The following ATXN1 variants were observed in gnomAD, a reference collection of about 807,000 sequenced individuals.
ATXN1 encodes the protein ataxin 1.
Under a neutral mutation model 56.4 loss-of-function variants are expected in ATXN1, and 8 were observed. That is an observed-to-expected ratio of 0.14 (90% CI 0.08 to 0.26). ATXN1 has a LOEUF of 0.26. ATXN1 is among the 10% of genes least tolerant of loss of function. The pLI is 1.00. For missense variants in ATXN1, 987 were observed against 1,106.5 expected, an observed-to-expected ratio of 0.89 and a Z score of 1.53; for synonymous variants, 514 against 494.6, an observed-to-expected ratio of 1.04 and a Z score of -0.52.
chr6:16,564,434 G>C (rs1318090125), intron 4 of ATXN1, among the ~76,000 whole-genome samples: 3 of 152,202 alleles, frequency 2.0e-5, no homozygotes, highest in African/African-American at 7.2e-5. Context: ...GTTCATAATA[G>C]TGAAAGAGTG....
intron 3 of ATXN1, among the ~76,000 whole-genome samples, chr6:16,644,520 A>G (rs1763767190): frequency 6.6e-6 from 1 of 151,860 alleles, no homozygotes; most frequent in Middle Eastern, 3.4e-3. Context: ...TTTCAAAAAA[A>G]AAAAAAAAAA....
intron 6 of ATXN1, among the ~76,000 whole-genome samples, chr6:16,395,907 C>T (rs776038137): frequency 9.7e-5 from 14 of 144,716 alleles, no homozygotes; most frequent in South Asian, 2.3e-4. Context: ...CTCAGCTCTT[C>T]GGGTGGCTGA....
intron 5 of ATXN1, among the ~76,000 whole-genome samples, chr6:16,495,853 ACTCT>A (rs36019158): frequency 8.2e-5 from 12 of 146,378 alleles, no homozygotes; most frequent in East Asian, 2.0e-4. Flanking sequence ...ACAGAGTGAG[ACTCT>A]CTCTCTCTCT....
chr6:16,745,933 CGTGTGT>C (rs60773814), intron 2 of ATXN1, among the ~76,000 whole-genome samples: 8,135 of 147,132 alleles, frequency 0.055, 241 homozygotes, highest in Non-Finnish European at 0.062. Context: ...CTATGCCTTC[CGTGTGT>C]GTGTGTGTGT....
At chr6:16,341,877 ATTTTTTTT>A (rs34092584) in intron 6 of ATXN1, among the ~76,000 whole-genome samples, 3 of 86,860 alleles carry the variant, frequency 3.5e-5, no homozygotes, top group Non-Finnish European at 6.3e-5. Flanking sequence ...TGTCTCAGTG[ATTTTTTTT>A]TTTTTTTTTT....
intron 4 of ATXN1, among the ~76,000 whole-genome samples, chr6:16,575,744 C>G (rs920631480): frequency 1.4e-4 from 21 of 152,120 alleles, no homozygotes; most frequent in African/African-American, 4.8e-4. Context: ...TTTGCAAGTC[C>G]TTATTAAAAG....
At chr6:16,534,869 GGCTAGGTC>G (rs1243385099) in intron 4 of ATXN1, among the ~76,000 whole-genome samples, 1 of 152,174 alleles carries the variant, frequency 6.6e-6, no homozygotes, top group Non-Finnish European at 1.5e-5. Flanking sequence ...AATGCTCTTA[GGCTAGGTC>G]GCACCAGCCC....
chr6:16,745,139 A>C (rs938937086), intron 2 of ATXN1, among the ~76,000 whole-genome samples: 1 of 152,232 alleles, frequency 6.6e-6, no homozygotes, highest in Non-Finnish European at 1.5e-5. Context: ...TAAGTCCCAC[A>C]ATTATTAAGA....
intron 6 of ATXN1, among the ~76,000 whole-genome samples, chr6:16,435,843 C>T (rs1348977904): frequency 1.3e-5 from 2 of 152,166 alleles, no homozygotes; most frequent in African/African-American, 2.4e-5. Context: ...AATTTTCTCA[C>T]CTGTAAAACA....
intron 6 of ATXN1, among the ~76,000 whole-genome samples, chr6:16,445,803 T>C (rs541489057): frequency 2.3e-4 from 35 of 151,284 alleles, no homozygotes; most frequent in African/African-American, 8.5e-4. Context: ...GATAGTTTAC[T>C]GAGAATGATG....
At chr6:16,419,116 G>A (rs180841092) in intron 6 of ATXN1, among the ~76,000 whole-genome samples, 2 of 152,184 alleles carry the variant, frequency 1.3e-5, no homozygotes, top group African/African-American at 4.8e-5. Flanking sequence ...TGAGCTTTTT[G>A]TATTGTTTTC....
At chr6:16,493,882 A>T (rs1760720564) in intron 5 of ATXN1, among the ~76,000 whole-genome samples, 1 of 152,176 alleles carries the variant, frequency 6.6e-6, no homozygotes, top group Admixed American at 6.5e-5. Context: ...TCCAACTCAG[A>T]ACTAAAGGTA....
chr6:16,583,451 G>A (rs1487686811), intron 4 of ATXN1, among the ~76,000 whole-genome samples: 1 of 152,270 alleles, frequency 6.6e-6, no homozygotes, highest in Non-Finnish European at 1.5e-5. Flanking sequence ...TAAAGCATGC[G>A]TTTCCTAAGA....
intron 7 of ATXN1, among the ~76,000 whole-genome samples, chr6:16,314,355 T>A (rs1048053123): frequency 2.0e-5 from 3 of 152,216 alleles, no homozygotes. Flanking sequence ...TAACCGTTAA[T>A]GAAGAAATCT....
intron 3 of ATXN1, among the ~76,000 whole-genome samples, chr6:16,638,527 C>T (rs1232589717): frequency 1.3e-5 from 2 of 151,502 alleles, no homozygotes; most frequent in African/African-American, 2.4e-5. Flanking sequence ...CCTGCAGGAG[C>T]GAGACGCCTT....
intron 3 of ATXN1, among the ~76,000 whole-genome samples, chr6:16,621,289 T>C (rs185453516): frequency 2.1e-3 from 321 of 152,308 alleles, no homozygotes; most frequent in African/African-American, 7.2e-3. Flanking sequence ...GCCCAGACAA[T>C]AGCACTAAAC....
chr6:16,424,285 G>A (rs372798043), intron 6 of ATXN1, among the ~76,000 whole-genome samples: 98 of 152,256 alleles, frequency 6.4e-4, no homozygotes, highest in African/African-American at 2.3e-3. Context: ...GACACAAGCC[G>A]GGTGTGTGCA....
At chr6:16,604,518 T>C (rs1762967807) in intron 3 of ATXN1, among the ~76,000 whole-genome samples, 1 of 151,076 alleles carries the variant, frequency 6.6e-6, no homozygotes, top group African/African-American at 2.4e-5. Context: ...GAAAACAAAA[T>C]TAAAAGAAAT....
intron 3 of ATXN1, among the ~76,000 whole-genome samples, chr6:16,617,766 CAAAAAAA>C (rs397975811): frequency 1.1e-5 from 1 of 89,504 alleles, no homozygotes. Context: ...AACTCTGTCT[CAAAAAAA>C]AAAAAAAAAG....
Sources: allele counts gnomAD v4.1 joint callset (sites outside exome capture counted in the v4.1 genomes callset), GRCh38; gene constraint gnomAD v4.1.1; transcripts MANE v1.5; gene names NCBI Gene and HGNC (gene_info 2026-07-23, HGNC 2026-07-21).